COBL: variants seen among roughly 807,000 people sequenced by gnomAD.
The protein encoded by COBL is cordon-bleu WH2 repeat protein, also known as protein cordon-bleu.
Under a neutral mutation model 98.8 loss-of-function variants are expected in COBL, and 51 were observed. The ratio of observed to expected loss-of-function variants is 0.52; its 90% CI spans 0.41 to 0.65. The LOEUF (loss-of-function observed/expected upper bound fraction) is 0.65, where lower values mean the gene tolerates loss of function less well. Among genes scored for constraint, COBL ranks in the 30% least tolerant of loss-of-function variants. COBL has a pLI of 0.00. For synonymous variants in COBL, 634 were observed against 651.7 expected (o/e 0.97, Z 0.41); for missense variants, 1,617 against 1,617.5 (o/e 1.00, Z 0.01).
At chr7:51,229,967 C>T (rs980382729) in intron 1 of COBL, among the ~76,000 whole-genome samples, 1 of 152,112 alleles carries the variant, frequency 6.6e-6, no homozygotes, top group Non-Finnish European at 1.5e-5. Context: ...GCCTCTAGAT[C>T]ACACCCCTAC....
intron 7 of COBL, among the ~76,000 whole-genome samples, chr7:51,050,998 A>G (rs1205830546): frequency 6.6e-6 from 1 of 152,190 alleles, no homozygotes; most frequent in Non-Finnish European, 1.5e-5. Flanking sequence ...ACAGCTACAT[A>G]TATGTCTTTC....
At chr7:51,081,753 T>C (rs1410992991) in intron 7 of COBL, among the ~76,000 whole-genome samples, 1 of 152,090 alleles carries the variant, frequency 6.6e-6, no homozygotes, top group East Asian at 1.9e-4. Context: ...TATCTTTCCC[T>C]CACTTTTTCC....
At position 51,298,048 on chromosome 7, in the gene COBL, T is replaced by C. The variant is rs186218002; in HGVS notation, c.41+18545A>G. Among the ~76,000 whole-genome samples, 251 of 152,250 alleles carry C rather than the reference T, an allele frequency of 1.6e-3. 2 individuals carry two copies. The highest frequency in any genetic ancestry group is 5.8e-3 in the African/African-American group (242 of 41,560). On this transcript the variant is annotated intron_variant, in intron 1 of 12. Coordinates refer to ENST00000265136, the MANE Select transcript of COBL (RefSeq NM_015198.5). ...AAAGTATGAAGCCAGTGACAGTGTA[T>C]CACTTCTAAGGCTAGGTCATAAAAG... is the stretch of plus-strand genomic sequence containing the variant.
chr7:51,025,824 C>A (rs192988147), intron 11 of COBL, among the ~76,000 whole-genome samples: 1 of 152,204 alleles, frequency 6.6e-6, no homozygotes, highest in Non-Finnish European at 1.5e-5. Flanking sequence ...TGAGACAGTT[C>A]TTTTGCAATA....
intron 6 of COBL, among the ~76,000 whole-genome samples, chr7:51,099,841 G>A (rs1795657253): frequency 6.6e-6 from 1 of 152,078 alleles, no homozygotes; most frequent in South Asian, 2.1e-4. Context: ...TCAAATAAAT[G>A]GATATGAAAC....
chr7:51,214,225 C>T (rs1367859054), intron 2 of COBL, among the ~76,000 whole-genome samples: 8 of 151,350 alleles, frequency 5.3e-5, no homozygotes. Flanking sequence ...GAGATTGTGC[C>T]GCCACTGCAC....
intron 1 of COBL, among the ~76,000 whole-genome samples, chr7:51,313,735 T>C (rs563023379): frequency 6.6e-6 from 1 of 152,354 alleles, no homozygotes; most frequent in South Asian, 2.1e-4. Flanking sequence ...CTGTGTTCTG[T>C]AACAGCCGAC....
rs184052956 is a variant in COBL, at chr7:51,316,055, G to A, written c.41+538C>T. On this transcript the variant is annotated intron_variant, in intron 1 of 12. Coordinates refer to ENST00000265136, the MANE Select transcript of COBL (RefSeq NM_015198.5). ...CCTCCGGGCAATCCGAACACCTTCC[G>A]AGAACGCGGGGCCCGGGCGGCTGCG... is the stretch of plus-strand genomic sequence containing the variant. Among the ~76,000 whole-genome samples the A allele has an allele frequency of 1.9e-3, 291 of 152,336 alleles. 4 individuals carry two copies. The highest frequency in any genetic ancestry group is 0.015 in the Admixed American group (225 of 15,310).
chr7:51,090,398 CT>C (rs1794698254), intron 6 of COBL, among the ~76,000 whole-genome samples: 1 of 152,264 alleles, frequency 6.6e-6, no homozygotes, highest in South Asian at 2.1e-4. Context: ...AGCCCTTCCC[CT>C]AACCCAGTAT....
chr7:51,096,493 A>T (rs1469569016), intron 6 of COBL, among the ~76,000 whole-genome samples: 2 of 152,110 alleles, frequency 1.3e-5, no homozygotes, highest in Non-Finnish European at 2.9e-5. Context: ...TTTAATAGAA[A>T]GATTAAGGCA....
rs143763360 is a variant in COBL at position 51,025,193 on chromosome 7, C to T, written c.3684G>A (p.Thr1228=). The T allele has an allele frequency of 7.2e-5, 100 of 1,390,328 alleles. No individual in the cohort carries two copies. Among genetic ancestry groups the T allele is most frequent in the South Asian group, 2.2e-4 (19 of 88,036 alleles). The allele number at this position is 1,390,328 out of a possible 1,614,324, so 86.1% of individuals were successfully genotyped here. A position where few individuals can be genotyped will look rare whatever the true frequency, so the allele number is the denominator to read the frequency against. The change falls in exon 12 of 13, where the codon ACG becomes ACA. Residue 1228 remains threonine (T), a synonymous_variant. Coordinates refer to ENST00000265136, the MANE Select transcript of COBL (RefSeq NM_015198.5). ...SAPRTASRFS[T]GTLSNTADAR... is the part of the protein sequence containing the mutation. The stretch of plus-strand genomic sequence containing the variant: ...CGTCTGCGGTGTTGCTGAGGGTGCC[C>T]GTGCTGAACCTGGAGGCCGTCCTTG...
At chr7:51,194,739 G>C (rs1306072626) in intron 2 of COBL, among the ~76,000 whole-genome samples, 1 of 151,918 alleles carries the variant, frequency 6.6e-6, no homozygotes, top group East Asian at 1.9e-4. Context: ...TTTCATGTTT[G>C]TTGGCCTCAT....
chr7:51,139,330 C>T (rs1054894645), intron 5 of COBL, among the ~76,000 whole-genome samples: 2 of 152,182 alleles, frequency 1.3e-5, no homozygotes, highest in African/African-American at 2.4e-5. Context: ...GAGGGCCACA[C>T]TGAGATGACC....
At chr7:51,247,126 C>A (rs1796331540) in intron 1 of COBL, among the ~76,000 whole-genome samples, 1 of 152,254 alleles carries the variant, frequency 6.6e-6, no homozygotes, top group African/African-American at 2.4e-5. Context: ...GAAGCCTCAG[C>A]TCCTTTCTAC....
At chr7:51,145,229 T>A (rs1784909592) in intron 5 of COBL, among the ~76,000 whole-genome samples, 1 of 152,116 alleles carries the variant, frequency 6.6e-6, no homozygotes, top group African/African-American at 2.4e-5. Flanking sequence ...TTGGCCAGGC[T>A]GGTCTTGAAC....
intron 1 of COBL, among the ~76,000 whole-genome samples, chr7:51,229,602 G>A (rs978545170): frequency 3.9e-5 from 6 of 152,150 alleles, no homozygotes; most frequent in Non-Finnish European, 7.3e-5. Flanking sequence ...GACCAACCTC[G>A]GCATTTGCTG....
rs546112397 is a variant in COBL at position 51,302,729 on chromosome 7, T to A, written c.41+13864A>T. ...CCTGGTCAATGCAGCAAGACCCTAT[T>A]TCTAAGAAAAAAATAATAATAATTC... On this transcript the variant is annotated intron_variant, in intron 1 of 12. Transcript: ENST00000265136. Among the ~76,000 whole-genome samples the A allele has an allele frequency of 5.3e-5, 8 of 152,272 alleles. 1 individual carries two copies. The highest frequency in any genetic ancestry group is 5.2e-4 in the Admixed American group (8 of 15,302).
intron 1 of COBL, among the ~76,000 whole-genome samples, chr7:51,231,742 GGA>G (rs1453378301): frequency 6.6e-6 from 1 of 152,210 alleles, no homozygotes; most frequent in East Asian, 1.9e-4. Context: ...GGCCGAGCCA[GGA>G]GAGGCTGTGG....
intron 5 of COBL, among the ~76,000 whole-genome samples, chr7:51,138,770 A>G (rs1799474971): frequency 6.6e-6 from 1 of 152,194 alleles, no homozygotes; most frequent in South Asian, 2.1e-4. Flanking sequence ...TACCCATGCC[A>G]CCTGCTATCT....
Sources: gnomAD v4.1 joint callset for allele counts (sites outside exome capture counted in the v4.1 genomes callset) on GRCh38, gnomAD v4.1.1 for gene constraint, MANE v1.5 for transcripts, NCBI Gene and HGNC (gene_info 2026-07-23, HGNC 2026-07-21) for gene names.